The following RABGAP1L variants were observed in gnomAD, a reference collection of about 807,000 sequenced individuals.
The protein encoded by RABGAP1L is RAB GTPase activating protein 1 like, also known as rab GTPase-activating protein 1-like.
Under a neutral mutation model 137.7 loss-of-function variants are expected in RABGAP1L, and 63 were observed. The observed-to-expected ratio is 0.46, with a 90% CI of 0.37 to 0.56. RABGAP1L has a LOEUF of 0.56. RABGAP1L is among the 20% of genes least tolerant of loss of function. RABGAP1L has a pLI of 0.00. For missense variants in RABGAP1L, 1,095 were observed against 1,244.0 expected (o/e 0.88, Z 1.80); for synonymous variants, 431 against 433.7 (o/e 0.99, Z 0.08).
At chr1:174,613,564 C>A (rs1314864387) in intron 13 of RABGAP1L, among the ~76,000 whole-genome samples, 1 of 152,086 alleles carries the variant, frequency 6.6e-6, no homozygotes, top group African/African-American at 2.4e-5. Flanking sequence ...CTGCAGATGG[C>A]TGTTAGGTCT....
At chr1:174,692,676 T>C (rs964107753) in intron 15 of RABGAP1L, among the ~76,000 whole-genome samples, 2 of 152,208 alleles carry the variant, frequency 1.3e-5, no homozygotes, top group African/African-American at 4.8e-5. Context: ...AAATTTTACC[T>C]ATGCATCTGT....
At position 174,989,882 on chromosome 1, in the gene RABGAP1L, G is replaced by A. The variant is rs1190527982; in HGVS notation, c.3037G>A (p.Glu1013Lys). ...LEHQRGALMN[E>K]IQAAKNSWFS... ...ACATCAGAGAGGAGCCCTTATGAAT[G>A]AAATCCAAGCTGCGAAAAACTCTTG... The change falls in exon 26 of 26, where the codon GAA (glutamate) becomes AAA (lysine). Residue 1013 changes from glutamate (E) to lysine (K), a missense_variant. Glu to Lys is a moderately conservative substitution (Grantham distance 56). This residue lies in a region of RABGAP1L where 312 missense variants were observed against 435.6 expected (regional missense o/e 0.72). Coordinates refer to ENST00000681986, the MANE Select transcript of RABGAP1L (RefSeq NM_001366446.1). The A allele has an allele frequency of 6.4e-7, 1 of 1,550,630 alleles. No homozygotes were observed. Among genetic ancestry groups the A allele is most frequent in the Non-Finnish European group, 8.7e-7 (1 of 1,146,946 alleles).
At chr1:174,463,133 A>G (rs1308295363) in intron 13 of RABGAP1L, among the ~76,000 whole-genome samples, 27 of 152,084 alleles carry the variant, frequency 1.8e-4, no homozygotes, top group Non-Finnish European at 3.2e-4. Flanking sequence ...AACTAGAAAT[A>G]CCATTTGACC....
At chr1:174,855,243 AG>A (rs1356929158) in intron 19 of RABGAP1L, among the ~76,000 whole-genome samples, 1 of 152,156 alleles carries the variant, frequency 6.6e-6, no homozygotes, top group East Asian at 1.9e-4. Context: ...CTTGTTCTGG[AG>A]GGTCATAGCA....
intron 16 of RABGAP1L, chr1:174,700,894 A>G (rs1277224120): frequency 3.2e-6 from 1 of 310,528 alleles, no homozygotes; most frequent in East Asian, 9.4e-5. Flanking sequence ...TTTGAGAATC[A>G]AGTAAATATA....
intron 14 of RABGAP1L, among the ~76,000 whole-genome samples, chr1:174,658,599 G>C (rs746825665): frequency 5.3e-5 from 8 of 152,080 alleles, no homozygotes; most frequent in Non-Finnish European, 7.4e-5. Flanking sequence ...CCCTGTGCCA[G>C]GATGTCACCC....
At chr1:174,945,641 T>A (rs1397504537) in intron 19 of RABGAP1L, 1 of 152,120 alleles carries the variant, frequency 6.6e-6, no homozygotes, top group Admixed American at 6.5e-5. Flanking sequence ...GGAATGGTTA[T>A]GATCCAGCAG....
At chr1:174,799,748 C>A (rs1213176609) in intron 18 of RABGAP1L, 2 of 742,614 alleles carry the variant, frequency 2.7e-6, no homozygotes, top group African/African-American at 2.0e-5. Context: ...ATTACTGATT[C>A]ACAGCGAGAG....
chr1:174,780,072 A>C (rs1573154147), intron 18 of RABGAP1L, among the ~76,000 whole-genome samples: 1 of 8,162 alleles, frequency 1.2e-4, no homozygotes, highest in South Asian at 2.9e-3. Flanking sequence ...ATCTTACAAT[A>C]AATAAATAAA....
intron 10 of RABGAP1L, among the ~76,000 whole-genome samples, chr1:174,303,154 T>C (rs1247829130): frequency 6.6e-6 from 1 of 152,120 alleles, no homozygotes; most frequent in East Asian, 1.9e-4. Context: ...ATTTAATGTA[T>C]CTGTAGCTTA....
intron 19 of RABGAP1L, among the ~76,000 whole-genome samples, chr1:174,946,934 A>ATGTGTG (rs1474737934): frequency 2.9e-5 from 2 of 69,808 alleles, no homozygotes; most frequent in African/African-American, 1.3e-4. Context: ...ATATATATAT[A>ATGTGTG]TATATATGTG....
chr1:174,440,802 C>T (rs1360147052), intron 13 of RABGAP1L, among the ~76,000 whole-genome samples: 1 of 152,118 alleles, frequency 6.6e-6, no homozygotes, highest in Non-Finnish European at 1.5e-5. Flanking sequence ...AGTTGATCTG[C>T]CCGCCTGGGC....
At chr1:174,967,877 G>A (rs1669776673) in intron 20 of RABGAP1L, among the ~76,000 whole-genome samples, 1 of 148,418 alleles carries the variant, frequency 6.7e-6, no homozygotes, top group African/African-American at 2.5e-5. Flanking sequence ...TTTTTTAGTC[G>A]ATATGTTTTT....
chr1:174,414,201 G>T (rs1022562516), intron 13 of RABGAP1L, among the ~76,000 whole-genome samples: 3 of 151,610 alleles, frequency 2.0e-5, no homozygotes, highest in African/African-American at 7.3e-5. Context: ...CACATGGTTG[G>T]CATGTTTTTC....
At chr1:174,777,089 C>T (rs1279360063) in intron 18 of RABGAP1L, among the ~76,000 whole-genome samples, 1 of 152,178 alleles carries the variant, frequency 6.6e-6, no homozygotes, top group Non-Finnish European at 1.5e-5. Flanking sequence ...GATCTTTACT[C>T]AGCCACAAAG....
chr1:174,421,286 A>G (rs1651261229), intron 13 of RABGAP1L, among the ~76,000 whole-genome samples: 1 of 152,188 alleles, frequency 6.6e-6, no homozygotes, highest in Non-Finnish European at 1.5e-5. Flanking sequence ...CTACCGTTAG[A>G]GTCTTACGTA....
chr1:174,391,940 C>T (rs1482802923), intron 12 of RABGAP1L, among the ~76,000 whole-genome samples: 1 of 152,160 alleles, frequency 6.6e-6, no homozygotes, highest in African/African-American at 2.4e-5. Context: ...AGTATAATCA[C>T]AGCCAAACAT....
chr1:174,295,592 G>C (rs147652083), intron 10 of RABGAP1L, among the ~76,000 whole-genome samples: 67 of 151,642 alleles, frequency 4.4e-4, no homozygotes, highest in African/African-American at 1.4e-3. Flanking sequence ...CACTATGTTG[G>C]CCAGGCTGGT....
intron 19 of RABGAP1L, among the ~76,000 whole-genome samples, chr1:174,853,024 G>C (rs1013168290): frequency 6.6e-6 from 1 of 151,846 alleles, no homozygotes; most frequent in Admixed American, 6.6e-5. Context: ...GCTTTGTTTT[G>C]TTTTTAATGT....
Sources: gnomAD v4.1 joint callset for allele counts (sites outside exome capture counted in the v4.1 genomes callset) on GRCh38, gnomAD v4.1.1 for gene constraint, gnomAD v4.1.1 regional missense constraint, MANE v1.5 for transcripts, NCBI Gene and HGNC (gene_info 2026-07-23, HGNC 2026-07-21) for gene names.